Variants in FRMPD4 observed in about 807,000 individuals in gnomAD.
FRMPD4 encodes the protein FERM and PDZ domain containing 4.
In FRMPD4, 22 loss-of-function variants were observed where a neutral mutation model predicts 94.1. That is an observed-to-expected ratio of 0.23 (90% CI 0.17 to 0.33). The LOEUF (loss-of-function observed/expected upper bound fraction) is 0.33, where lower values mean the gene tolerates loss of function less well. Ranked by LOEUF, FRMPD4 falls within the 10% of genes least tolerant of loss-of-function variation. FRMPD4 has a pLI of 1.00. For missense variants in FRMPD4, 1,111 were observed against 1,339.9 expected, an observed-to-expected ratio of 0.83 and a Z score of 2.67; for synonymous variants, 631 against 548.6, an observed-to-expected ratio of 1.15 and a Z score of -2.10.
rs182007206 is a variant in FRMPD4 at position 12,698,231 on chromosome X, C to A, written c.934-3643C>A. Among the ~76,000 whole-genome samples, 163 of 111,831 alleles carry A rather than the reference C, an allele frequency of 1.5e-3. 2 individuals carry two copies. Among genetic ancestry groups the A allele is most frequent in the Admixed American group, 0.014 (151 of 10,531 alleles). On this transcript the variant is annotated intron_variant, in intron 9 of 16. Coordinates refer to ENST00000675598, the MANE Select transcript of FRMPD4 (RefSeq NM_001368397.1). The stretch of plus-strand genomic sequence containing the variant: ...AGTTGCAATAGTAATATCTATTAAT[C>A]TCCTAGTTCTTAATGGTCCATGACA...
intron 4 of FRMPD4, among the ~76,000 whole-genome samples, chrX:12,665,652 A>G (rs967854066): frequency 4.5e-5 from 5 of 112,190 alleles, no homozygotes; most frequent in African/African-American, 1.6e-4. Context: ...TTTTCAACCC[A>G]GAATTTCATA....
intron 3 of FRMPD4, among the ~76,000 whole-genome samples, chrX:11,931,093 T>C (rs2054120272): frequency 9.0e-6 from 1 of 111,696 alleles, no homozygotes; most frequent in African/African-American, 3.3e-5. Context: ...TTATTTTCTG[T>C]GATTTCTTTC....
chrX:12,192,535 C>T (rs1043039918), intron 1 of FRMPD4, among the ~76,000 whole-genome samples: 1 of 111,721 alleles, frequency 9.0e-6, no homozygotes. Context: ...TTTGCATGCT[C>T]ACTTCTCTTT....
At chrX:12,019,425 T>C (rs1438430214) in intron 3 of FRMPD4, among the ~76,000 whole-genome samples, 1 of 110,228 alleles carries the variant, frequency 9.1e-6, no homozygotes, top group Admixed American at 9.7e-5. Flanking sequence ...CTCTCCTCTC[T>C]TCAATCCTGT....
chrX:12,345,112 GAACA>G (rs1242904393), intron 1 of FRMPD4, among the ~76,000 whole-genome samples: 5,068 of 95,515 alleles, frequency 0.053, 297 homozygotes, highest in African/African-American at 0.19. Flanking sequence ...ATGGATGGAT[GAACA>G]GACAGACAAA....
chrX:12,605,671 A>C (rs1387640355), intron 2 of FRMPD4, among the ~76,000 whole-genome samples: 4 of 110,710 alleles, frequency 3.6e-5, no homozygotes, highest in African/African-American at 9.9e-5. Flanking sequence ...TAGCCTTCAG[A>C]TTGTTCCTGG....
rs1404722204 is a variant in FRMPD4, at chrX:12,322,417, C to T, written c.42-176263C>T. 2.7e-5 allele frequency among the ~76,000 whole-genome samples: 3 copies of T among 111,025 alleles called. No homozygotes were observed. The Admixed American group carries it at 2.9e-4, about 11-fold the overall frequency. On this transcript the variant is annotated intron_variant, in intron 1 of 16. Transcript: ENST00000675598. ...AGAGTGGATATATGGAGAGGGGCAA[C>T]TGGTCCTAGGAAGAACTGGGAAAGG...
intron 1 of FRMPD4, among the ~76,000 whole-genome samples, chrX:12,404,342 AT>A (rs1186126621): frequency 1.8e-5 from 2 of 112,007 alleles, no homozygotes; most frequent in Admixed American, 9.4e-5. Context: ...CCACATTTCC[AT>A]TGGTTATTAT....
intron 1 of FRMPD4, among the ~76,000 whole-genome samples, chrX:12,242,811 A>G (rs2053896687): frequency 8.9e-6 from 1 of 112,588 alleles, no homozygotes; most frequent in Non-Finnish European, 1.9e-5. Flanking sequence ...GTCATAGTTC[A>G]CTATAGCCTT....
chrX:12,272,724 C>T (rs1363661183), intron 1 of FRMPD4, among the ~76,000 whole-genome samples: 1 of 110,942 alleles, frequency 9.0e-6, no homozygotes, highest in East Asian at 2.8e-4. Flanking sequence ...AATACCATAC[C>T]CAAGTTATTA....
chrX:12,116,489 T>G lies in FRMPD4; in HGVS notation c.95+238471T>G, dbSNP rs923841233. ...TGGTGCTTTTACCTTTCCCCCCAGA[T>G]AGCCTTTCTAAGTTGGGGAACCTCA... On this transcript the variant is annotated intron_variant, in intron 3 of 18. Coordinates refer to the FRMPD4 transcript ENST00000640291. Among the ~76,000 whole-genome samples, 6 of 112,195 alleles carry G rather than the reference T, an allele frequency of 5.3e-5. No homozygotes were observed. In the East Asian group the frequency reaches 1.4e-3, roughly 26 times the overall value.
chrX:12,592,668 A>G (rs964055563), intron 2 of FRMPD4, among the ~76,000 whole-genome samples: 1 of 111,759 alleles, frequency 8.9e-6, no homozygotes, highest in Non-Finnish European at 1.9e-5. Context: ...TTAGTCTTTA[A>G]TAATACAATG....
chrX:11,861,467 A>G (rs920828843), intron 1 of FRMPD4, among the ~76,000 whole-genome samples: 3 of 111,850 alleles, frequency 2.7e-5, no homozygotes, highest in Non-Finnish European at 5.6e-5. Context: ...CAAAATATGA[A>G]ATAAAGAAGG....
chrX:12,197,624 G>A (rs1473675440), intron 1 of FRMPD4, among the ~76,000 whole-genome samples: 1 of 111,851 alleles, frequency 8.9e-6, no homozygotes, highest in African/African-American at 3.2e-5. Context: ...TCTTGAGTGT[G>A]TGTTGAAGGT....
At chrX:12,288,086 A>G (rs1281560701) in intron 1 of FRMPD4, among the ~76,000 whole-genome samples, 1 of 111,884 alleles carries the variant, frequency 8.9e-6, no homozygotes, top group African/African-American at 3.3e-5. Context: ...TGAGAGTTTA[A>G]TCTTCCCTTT....
At chrX:12,283,383 A>G (rs1305258241) in intron 1 of FRMPD4, among the ~76,000 whole-genome samples, 1 of 113,199 alleles carries the variant, frequency 8.8e-6, no homozygotes, top group Non-Finnish European at 1.9e-5. Flanking sequence ...GTATGTCTTC[A>G]GAAATCTTAT....
At chrX:12,620,851 T>A (rs2059281364) in intron 4 of FRMPD4, among the ~76,000 whole-genome samples, 1 of 112,496 alleles carries the variant, frequency 8.9e-6, no homozygotes, top group Non-Finnish European at 1.9e-5. Flanking sequence ...TCCACTACAA[T>A]TGCAGAGGCA....
intron 1 of FRMPD4, among the ~76,000 whole-genome samples, chrX:12,201,372 A>C (rs1425258761): frequency 1.8e-5 from 2 of 112,118 alleles, no homozygotes; most frequent in Non-Finnish European, 3.8e-5. Context: ...GACAACAATA[A>C]AGGAAATTGC....
At chrX:12,023,157 G>A (rs758002094) in intron 3 of FRMPD4, among the ~76,000 whole-genome samples, 3 of 111,607 alleles carry the variant, frequency 2.7e-5, no homozygotes, top group Non-Finnish European at 5.7e-5. Context: ...TACCATATGA[G>A]GTTACAGTGA....
Sources: gnomAD v4.1 joint callset for allele counts (sites outside exome capture counted in the v4.1 genomes callset) on GRCh38, gnomAD v4.1.1 for gene constraint, MANE v1.5 for transcripts, NCBI Gene and HGNC (gene_info 2026-07-23, HGNC 2026-07-21) for gene names.